Variants in RTN3 observed in about 807,000 individuals in gnomAD.
The protein encoded by RTN3 is reticulon 3, also known as reticulon-3.
A neutral mutation model predicts 77.8 loss-of-function variants in RTN3; 49 were observed. The ratio of observed to expected loss-of-function variants is 0.63; its 90% confidence interval spans 0.50 to 0.80. RTN3 has a LOEUF of 0.80. RTN3 is among the 30% of genes least tolerant of loss of function. RTN3 has a pLI of 0.00. For missense variants in RTN3, 1,236 were observed against 1,211.9 expected, an observed-to-expected ratio of 1.02 and a Z score of -0.29; for synonymous variants, 464 against 446.9, an observed-to-expected ratio of 1.04 and a Z score of -0.48.
intron 1 of RTN3, among the ~76,000 whole-genome samples, chr11:63,695,701 A>T (rs1197482933): frequency 6.6e-6 from 1 of 152,200 alleles, no homozygotes; most frequent in East Asian, 1.9e-4. Flanking sequence ...GACAAATTCA[A>T]ATTGAGGGAC....
intron 2 of RTN3, among the ~76,000 whole-genome samples, chr11:63,716,984 A>AAC (rs1555072813): frequency 6.0e-5 from 9 of 148,944 alleles, no homozygotes; most frequent in East Asian, 3.9e-4. Context: ...AAAAACAAAA[A>AAC]AAAAAAAAAA....
At chr11:63,707,559 C>T (rs897131938) in intron 2 of RTN3, among the ~76,000 whole-genome samples, 2 of 151,896 alleles carry the variant, frequency 1.3e-5, no homozygotes, top group Admixed American at 1.3e-4. Flanking sequence ...TCCGACTGTG[C>T]GCGGTGGCTC....
intron 1 of RTN3, among the ~76,000 whole-genome samples, chr11:63,703,718 A>T (rs1942360554): frequency 6.7e-6 from 1 of 148,258 alleles, no homozygotes; most frequent in Non-Finnish European, 1.5e-5. Context: ...AATTTTTTGT[A>T]TTTTTCATAG....
chr11:63,753,530 C>T (rs1285527931), intron 6 of RTN3, 132 bp from the exon 7 acceptor site: 7 of 821,464 alleles, frequency 8.5e-6, no homozygotes, highest in Non-Finnish European at 1.4e-5. Flanking sequence ...GAGTGCTAAC[C>T]AGGATTTCTC....
At chr11:63,738,151 C>T (rs1413691121) in intron 3 of RTN3, among the ~76,000 whole-genome samples, 1 of 152,168 alleles carries the variant, frequency 6.6e-6, no homozygotes, top group Non-Finnish European at 1.5e-5. Context: ...TTTGTCTTTA[C>T]ATAAATTGTT....
At chr11:63,714,674 G>A (rs770589003) in intron 2 of RTN3, among the ~76,000 whole-genome samples, 1 of 151,102 alleles carries the variant, frequency 6.6e-6, no homozygotes, top group Non-Finnish European at 1.5e-5. Flanking sequence ...CACCATGCAC[G>A]GCTAATTTTT....
intron 3 of RTN3, among the ~76,000 whole-genome samples, chr11:63,725,426 ATTC>A (rs2012177878): frequency 6.8e-6 from 1 of 147,584 alleles, no homozygotes; most frequent in African/African-American, 2.5e-5. Flanking sequence ...TGAAGTTAAC[ATTC>A]TTCTTTTTTT....
intron 3 of RTN3, among the ~76,000 whole-genome samples, chr11:63,747,903 T>TA (rs2135038093): frequency 6.6e-6 from 1 of 152,288 alleles, no homozygotes; most frequent in South Asian, 2.1e-4. Context: ...TACCAGGACT[T>TA]AAACTCATGT....
At position 63,719,886 on chromosome 11, in the gene RTN3, G is replaced by T; in HGVS notation, c.1384G>T (p.Gly462Cys). ...GSPPEKCDSL[G>C]SGVATVKVVL... ...TCCACCTGAGAAATGTGACTCTTTG[G>T]GTTCTGGAGTGGCCACAGTGAAAGT... Residue 462 changes from glycine (G) to cysteine (C), a missense_variant, in exon 3 of 9, where the codon GGT becomes TGT. By Grantham distance (159) the Gly-to-Cys change is radical. Around this residue, in one of 3 missense-constraint regions of RTN3, gnomAD observed 1,056 missense variants for 990.4 expected, o/e 1.07. Coordinates refer to ENST00000377819, the MANE Select transcript of RTN3 (RefSeq NM_001265589.2). 6.2e-7 allele frequency: 1 copy of T among 1,614,136 alleles called. No individual in the cohort carries two copies. Among genetic ancestry groups the T allele is most frequent in the Non-Finnish European group, 8.5e-7 (1 of 1,180,006 alleles).
At chr11:63,752,430 T>C (rs1007262292) in intron 4 of RTN3, 77 bp from the exon 5 acceptor site, 3 of 1,436,444 alleles carry the variant, frequency 2.1e-6, no homozygotes, top group African/African-American at 1.4e-5. Context: ...GAACCAATTT[T>C]ACATTCTCAG....
Position 63,720,277 on chromosome 11 carries a change from T to C in RTN3, c.1775T>C (p.Leu592Ser). 2 of 1,613,684 alleles carry C rather than the reference T, an allele frequency of 1.2e-6. No individual in the cohort carries two copies. The highest frequency in any genetic ancestry group is 1.7e-6 in the Non-Finnish European group (2 of 1,179,814). Residue 592 changes from leucine to serine, a missense_variant, in exon 3 of 9, where the codon TTA becomes TCA. By Grantham distance (145) the Leu-to-Ser change is moderately radical. Transcript: ENST00000377819. Reference protein sequence around the residue: ...CSKVPDTNVSLEDVSEVAPEK... With the variant: ...CSKVPDTNVSSEDVSEVAPEK... ...AAAGTACCCGATACGAATGTCTCCTTAGAAGATGTGAGTGAAGTTGCTCCT... is the reference window on the plus strand; with the variant it reads ...AAAGTACCCGATACGAATGTCTCCTCAGAAGATGTGAGTGAAGTTGCTCCT...
chr11:63,684,028 T>TGCA (rs1371307511), intron 1 of RTN3, among the ~76,000 whole-genome samples: 1 of 138,246 alleles, frequency 7.2e-6, no homozygotes, highest in Non-Finnish European at 1.5e-5. Context: ...CTTGGCTCAC[T>TGCA]GCAACCTCCA....
intron 3 of RTN3, among the ~76,000 whole-genome samples, chr11:63,732,775 G>A (rs2012786426): frequency 6.6e-6 from 1 of 152,052 alleles, no homozygotes; most frequent in African/African-American, 2.4e-5. Context: ...GGAAAAAGGA[G>A]AGGAGAATAC....
At chr11:63,684,201 T>C (rs1434616878) in intron 1 of RTN3, among the ~76,000 whole-genome samples, 1 of 136,008 alleles carries the variant, frequency 7.4e-6, no homozygotes, top group Non-Finnish European at 1.5e-5. Flanking sequence ...CAGGCTGGAG[T>C]GCAGTGGTGC....
At chr11:63,730,575 A>G (rs2012617557) in intron 3 of RTN3, among the ~76,000 whole-genome samples, 1 of 152,218 alleles carries the variant, frequency 6.6e-6, no homozygotes, top group Admixed American at 6.5e-5. Context: ...ACTTGAGACT[A>G]GTTTGAGACC....
In RTN3 at chr11:63,720,978, A is replaced by G; in HGVS notation, c.2476A>G (p.Lys826Glu). The change falls in exon 3 of 9, where the codon AAG becomes GAG. Residue 826 changes from lysine to glutamate, a missense_variant. Transcript: ENST00000377819. ...TRVDAVSSLSKTELVKKHVLA... is the reference protein window; with the variant it reads ...TRVDAVSSLSETELVKKHVLA... ...GGTAGATGCTGTTTCCAGCCTTAGC[A>G]AGACTGAATTGGTAAAAAAGCATGT... The G allele has an allele frequency of 1.2e-6, 2 of 1,612,086 alleles. No homozygotes were observed. The highest frequency in any genetic ancestry group is 4.5e-5 in the East Asian group (2 of 44,804).
At chr11:63,727,773 G>A (rs1317259762) in intron 3 of RTN3, among the ~76,000 whole-genome samples, 3 of 152,132 alleles carry the variant, frequency 2.0e-5, no homozygotes, top group African/African-American at 4.8e-5. Flanking sequence ...CCAGGAGTGC[G>A]AGACCTGCAA....
At chr11:63,698,958 C>T (rs1283999265) in intron 1 of RTN3, among the ~76,000 whole-genome samples, 1 of 152,172 alleles carries the variant, frequency 6.6e-6, no homozygotes, top group African/African-American at 2.4e-5. Context: ...CTTATATATG[C>T]CTTAGGCAAC....
rs901434928 is a variant in RTN3 at position 63,759,555 on chromosome 11, G to T, written c.*1354G>T. On this transcript the variant is annotated 3_prime_UTR_variant, in exon 9 of 9. Transcript: ENST00000377819. Reference sequence around the variant, plus strand: ...TTTAACTGGTTTCATGTCCTAGTAGGAAGTGCATTCTCCATCCTCATCCTC... The same window carrying T: ...TTTAACTGGTTTCATGTCCTAGTAGTAAGTGCATTCTCCATCCTCATCCTC... The T allele has an allele frequency of 3.9e-5, 6 of 152,540 alleles. No homozygotes were observed. The highest frequency in any genetic ancestry group is 2.6e-4 in the Admixed American group (4 of 15,270). The allele number at this position is 152,540 out of a possible 1,614,324, so 9.4% of individuals were successfully genotyped here. A position where few individuals can be genotyped will look rare whatever the true frequency, so the allele number is the denominator to read the frequency against.
Sources: gnomAD v4.1 joint callset for allele counts (sites outside exome capture counted in the v4.1 genomes callset) on GRCh38, gnomAD v4.1.1 for gene constraint, gnomAD v4.1.1 regional missense constraint, MANE v1.5 for transcripts, NCBI Gene and HGNC (gene_info 2026-07-23, HGNC 2026-07-21) for gene names.